Variants in ZBTB16 observed in about 807,000 individuals in gnomAD.
ZBTB16 encodes the protein zinc finger and BTB domain containing 16.
Under a neutral mutation model 56.8 loss-of-function variants are expected in ZBTB16, and 8 were observed. That is an observed-to-expected ratio of 0.14 (90% CI 0.08 to 0.25). The LOEUF (loss-of-function observed/expected upper bound fraction) is 0.25. ZBTB16 is among the 10% of genes least tolerant of loss of function. The pLI is 1.00. For missense variants in ZBTB16, 625 were observed against 903.0 expected (o/e 0.69, Z 3.95); for synonymous variants, 363 against 368.5 (o/e 0.98, Z 0.17).
At chr11:114,176,480 A>C (rs1943117270) in intron 3 of ZBTB16, among the ~76,000 whole-genome samples, 1 of 152,116 alleles carries the variant, frequency 6.6e-6, no homozygotes, top group African/African-American at 2.4e-5. Context: ...TGATTCTCCC[A>C]ATGTCTGGAC....
chr11:114,192,645 C>T (rs1250546243), intron 4 of ZBTB16, among the ~76,000 whole-genome samples: 1 of 152,184 alleles, frequency 6.6e-6, no homozygotes, highest in Non-Finnish European at 1.5e-5. Context: ...GGTGAGCTGT[C>T]ATTCCAGTCA....
At chr11:114,116,587 C>A (rs1941182521) in intron 2 of ZBTB16, among the ~76,000 whole-genome samples, 1 of 152,164 alleles carries the variant, frequency 6.6e-6, no homozygotes, top group South Asian at 2.1e-4. Context: ...TTTGAACTCA[C>A]TTTATTCAAC....
At chr11:114,200,149 G>GA (rs75999531) in intron 4 of ZBTB16, among the ~76,000 whole-genome samples, 32,694 of 148,316 alleles carry the variant, frequency 0.22, 3,996 homozygotes, top group Middle Eastern at 0.38. Context: ...AAGAAAAAAA[G>GA]AAAAAAAAAA....
intron 3 of ZBTB16, among the ~76,000 whole-genome samples, chr11:114,175,191 G>C (rs1325198750): frequency 6.6e-6 from 1 of 152,140 alleles, no homozygotes; most frequent in Non-Finnish European, 1.5e-5. Context: ...GCACATGAAG[G>C]TGCCCAGCAC....
intron 4 of ZBTB16, among the ~76,000 whole-genome samples, chr11:114,233,052 A>C (rs1448559711): frequency 1.0e-4 from 6 of 57,966 alleles, no homozygotes; most frequent in Admixed American, 2.0e-4. Context: ...CACCCACTCT[A>C]CTGCACATAC....
intron 4 of ZBTB16, among the ~76,000 whole-genome samples, chr11:114,233,066 T>TGCGCGCGCACGCGCGCGC (rs1944476823): frequency 1.1e-5 from 1 of 94,306 alleles, no homozygotes; most frequent in African/African-American, 3.9e-5. Flanking sequence ...CACATACGCA[T>TGCGCGCGCACGCGCGCGC]GCGCGCGCGC....
intron 2 of ZBTB16, among the ~76,000 whole-genome samples, chr11:114,070,298 CG>C (rs1463853083): frequency 2.6e-5 from 4 of 151,178 alleles, no homozygotes; most frequent in African/African-American, 7.3e-5. Flanking sequence ...TTAGTAGAGA[CG>C]GGGTTTCACC....
At chr11:114,246,761 T>C (rs565671938) in intron 5 of ZBTB16, 32 of 242,830 alleles carry the variant, frequency 1.3e-4, no homozygotes, top group Admixed American at 5.5e-4. Context: ...TAGAAGGTGT[T>C]TGGGGGACAA....
chr11:114,130,531 C>G (rs1207904463), intron 2 of ZBTB16, among the ~76,000 whole-genome samples: 1 of 152,196 alleles, frequency 6.6e-6, no homozygotes, highest in East Asian at 1.9e-4. Context: ...TGCGAGCACA[C>G]GCATCTACAA....
At position 114,250,884 on chromosome 11, in the gene ZBTB16, G is replaced by A. The variant is rs745488838; in HGVS notation, c.*329G>A. On this transcript the variant is annotated 3_prime_UTR_variant, in exon 7 of 7. Coordinates refer to ENST00000335953, the MANE Select transcript of ZBTB16 (RefSeq NM_006006.6). This position sits in a 1 kb window ranked among gnomAD's most constrained non-coding sequence, Gnocchi z 6.0. ...GACCTTCTTTTATGTGTCCAGAAATGGAGGCTAGAAAGCAGGTGAGAGGTC... is the reference window on the plus strand; with the variant it reads ...GACCTTCTTTTATGTGTCCAGAAATAGAGGCTAGAAAGCAGGTGAGAGGTC... Among the ~76,000 whole-genome samples, 4 of 152,132 alleles carry A rather than the reference G, an allele frequency of 2.6e-5. No individual in the cohort carries two copies. The highest frequency in any genetic ancestry group is 4.4e-5 in the Non-Finnish European group (3 of 68,036).
At chr11:114,190,730 T>TACACAC (rs746167648) in intron 4 of ZBTB16, among the ~76,000 whole-genome samples, 2 of 143,502 alleles carry the variant, frequency 1.4e-5, no homozygotes, top group African/African-American at 5.0e-5. Context: ...CTCTCTCTCA[T>TACACAC]ACACACACAC....
chr11:114,067,325 C>T (rs1939154629), intron 2 of ZBTB16, among the ~76,000 whole-genome samples: 1 of 152,142 alleles, frequency 6.6e-6, no homozygotes, highest in South Asian at 2.1e-4. Context: ...TGTCCCTGTC[C>T]TTGTGAGCAT....
intron 5 of ZBTB16, among the ~76,000 whole-genome samples, chr11:114,245,276 A>G (rs1944791421): frequency 6.6e-6 from 1 of 152,218 alleles, no homozygotes; most frequent in South Asian, 2.1e-4. Flanking sequence ...CCAGATCTGC[A>G]GGTGAGGGAC....
Position 114,063,287 on chromosome 11 carries a change from C to G in ZBTB16, c.-14C>G, listed in dbSNP as rs980206958. 12 of 1,613,108 alleles carry G rather than the reference C, an allele frequency of 7.4e-6. No individual in the cohort carries two copies. In the African/African-American group the frequency reaches 1.2e-4, roughly 16 times the overall value. On this transcript the variant is annotated 5_prime_UTR_variant, in exon 2 of 7. Transcript: ENST00000335953. This position sits in a 1 kb window ranked among gnomAD's most constrained non-coding sequence, Gnocchi z 6.5. ...AAGGAAAGAAAGCCTCATGCCTGAG[C>G]CGAGGGGAGCACCATGGATCTGACA...
intron 3 of ZBTB16, among the ~76,000 whole-genome samples, chr11:114,157,558 C>T (rs370558132): frequency 4.6e-5 from 7 of 152,182 alleles, no homozygotes; most frequent in Non-Finnish European, 7.3e-5. Context: ...CCCATCCGCT[C>T]GTTCCCTGCC....
At chr11:114,076,506 T>G (rs56145104) in intron 2 of ZBTB16, among the ~76,000 whole-genome samples, 1 of 152,300 alleles carries the variant, frequency 6.6e-6, no homozygotes, top group African/African-American at 2.4e-5. Flanking sequence ...CGAAGGCGTT[T>G]GTAGAGTAGG....
intron 3 of ZBTB16, among the ~76,000 whole-genome samples, chr11:114,177,128 T>G (rs1297879327): frequency 6.6e-6 from 1 of 152,226 alleles, no homozygotes; most frequent in Non-Finnish European, 1.5e-5. Flanking sequence ...GACTGTGACT[T>G]GAGCACCTGC....
chr11:114,204,698 C>CGTA (rs1943816200), intron 4 of ZBTB16, among the ~76,000 whole-genome samples: 2 of 152,116 alleles, frequency 1.3e-5, no homozygotes. Flanking sequence ...AGCTCATTAC[C>CGTA]ACCTCTCACC....
At chr11:114,216,034 G>A (rs1944087630) in intron 4 of ZBTB16, among the ~76,000 whole-genome samples, 2 of 152,168 alleles carry the variant, frequency 1.3e-5, no homozygotes, top group Non-Finnish European at 2.9e-5. Context: ...GCCAAGATAA[G>A]GCTGTGGTTT....
Sources: allele counts gnomAD v4.1 joint callset (sites outside exome capture counted in the v4.1 genomes callset), GRCh38; gene constraint gnomAD v4.1.1; non-coding constraint Gnocchi (gnomAD v3.1); transcripts MANE v1.5; gene names NCBI Gene and HGNC (gene_info 2026-07-23, HGNC 2026-07-21).